NIPBL: variants seen among roughly 807,000 people sequenced by gnomAD.
NIPBL encodes the protein NIPBL cohesin loading factor.
NIPBL carries 19 observed loss-of-function variants against 321.8 expected under a neutral mutation model. The ratio of observed to expected loss-of-function variants is 0.06; its 90% CI spans 0.04 to 0.09. NIPBL has a LOEUF of 0.09. Ranked by LOEUF, NIPBL falls within the 10% of genes least tolerant of loss-of-function variation. The probability of loss-of-function intolerance (pLI) is 1.00; values close to 1 mark genes in which losing one functional copy is unlikely to be tolerated. For synonymous variants in NIPBL, 1,106 were observed against 1,114.1 expected, an observed-to-expected ratio of 0.99 and a Z score of 0.14; for missense variants, 2,210 against 3,327.0, an observed-to-expected ratio of 0.66 and a Z score of 8.26.
At chr5:36,937,572 AAGG>A (rs1339997311) in intron 1 of NIPBL, among the ~76,000 whole-genome samples, 1 of 152,116 alleles carries the variant, frequency 6.6e-6, no homozygotes, top group African/African-American at 2.4e-5. Context: ...AAGAGAAGAA[AAGG>A]AGAAGTTGCC....
chr5:37,063,745 T>A (rs112164987), intron 45 of NIPBL, 45 bp from the exon 46 acceptor site: 5 of 1,554,444 alleles, frequency 3.2e-6, no homozygotes, highest in African/African-American at 1.4e-5. Context: ...CAATCTTGCT[T>A]GAAATATTTA....
At chr5:37,038,564 C>G in intron 33 of NIPBL, 38 bp from the exon 34 acceptor site, 1 of 1,597,348 alleles carries the variant, frequency 6.3e-7, no homozygotes, top group South Asian at 1.1e-5. Flanking sequence ...ACTACCTTGT[C>G]ATATTTTAGT....
chr5:37,022,187 T>C lies in NIPBL; in HGVS notation c.5427+38T>C, dbSNP rs776453237. On this transcript the variant is annotated intron_variant, in intron 28 of 46. Coordinates refer to ENST00000282516, the MANE Select transcript of NIPBL (RefSeq NM_133433.4). ...AATGATTCTTTCTTTTCTACTCGAA[T>C]TGGAATATTCACTCTATTTAGGTAT... is the stretch of plus-strand genomic sequence containing the variant. 7 of 1,613,256 alleles carry C rather than the reference T, an allele frequency of 4.3e-6. 1 individual carries two copies. In the South Asian group the frequency reaches 6.6e-5, roughly 15 times the overall value.
chr5:36,877,796 C>A (rs753124208), intron 1 of NIPBL, among the ~76,000 whole-genome samples: 1 of 152,198 alleles, frequency 6.6e-6, no homozygotes, highest in Non-Finnish European at 1.5e-5. Context: ...CATAAAGACT[C>A]ATTTTCTTTT....
At chr5:36,907,718 T>C (rs1419118720) in intron 1 of NIPBL, among the ~76,000 whole-genome samples, 1 of 152,200 alleles carries the variant, frequency 6.6e-6, no homozygotes, top group African/African-American at 2.4e-5. Context: ...AATGTGCATA[T>C]GTTACCTTTA....
chr5:36,920,941 A>G lies in NIPBL; in HGVS notation c.-79-32677A>G, dbSNP rs544969139. On this transcript the variant is annotated intron_variant, in intron 1 of 46. Transcript: ENST00000282516. ...ATTCTCTGCTTTGGCTGCTGTAATTATCTTTTGCTTTTACTATTTTGATCT... is the reference window on the plus strand; with the variant it reads ...ATTCTCTGCTTTGGCTGCTGTAATTGTCTTTTGCTTTTACTATTTTGATCT... Among the ~76,000 whole-genome samples, 227 of 150,766 alleles carry G rather than the reference A, an allele frequency of 1.5e-3. 1 individual carries two copies. The highest frequency in any genetic ancestry group is 5.3e-3 in the African/African-American group (218 of 40,994).
Position 37,011,077 on chromosome 5 carries a change from C to T in NIPBL, c.4560+852C>T, listed in dbSNP as rs1748061902. Among the ~76,000 whole-genome samples, 4 of 152,116 alleles carry T rather than the reference C, an allele frequency of 2.6e-5. No homozygotes were observed. The South Asian group carries it at 8.3e-4, about 32-fold the overall frequency. On this transcript the variant is annotated intron_variant, in intron 21 of 46. Coordinates refer to ENST00000282516, the MANE Select transcript of NIPBL (RefSeq NM_133433.4). The stretch of plus-strand genomic sequence containing the variant: ...TGTGGAAAATGAGTTTATTCCCTCC[C>T]TAATAGGTAGCTCATGCCGACGATT...
chr5:37,024,812 A>G lies in NIPBL; in HGVS notation c.5709+93A>G. 3.1e-6 allele frequency: 3 copies of G among 954,902 alleles called. No individual in the cohort carries two copies. The South Asian group carries it at 4.8e-5, about 15-fold the overall frequency. 59.2% of individuals were successfully genotyped at this position (954,902 alleles called of 1,614,324 possible). ...AAATGTTGATTTTAAATATATCCAA[A>G]CACTTTACAATGAATCGTTTATAGT... On this transcript the variant is annotated intron_variant, in intron 30 of 46. Transcript: ENST00000282516.
chr5:37,020,890 A>AG lies in NIPBL; in HGVS notation c.5328+14dup. On this transcript the variant is annotated intron_variant, in intron 27 of 46. Coordinates refer to ENST00000282516, the MANE Select transcript of NIPBL (RefSeq NM_133433.4). ...TTATTTGACACAGGTAAACTGGATA[A>AG]GAATTCCTTATACAGTGATATTGAT... The AG allele has an allele frequency of 6.5e-6, 10 of 1,544,222 alleles. No homozygotes were observed. Among genetic ancestry groups the AG allele is most frequent in the Non-Finnish European group, 9.0e-6 (10 of 1,116,318 alleles).
At chr5:36,975,338 T>C (rs2149627213) in intron 8 of NIPBL, among the ~76,000 whole-genome samples, 1 of 152,294 alleles carries the variant, frequency 6.6e-6, no homozygotes, top group East Asian at 1.9e-4. Context: ...TATTTTTGTG[T>C]AATTTAACAA....
At chr5:37,006,210 T>C (rs996735286) in intron 16 of NIPBL, 147 bp from the exon 17 acceptor site, 6 of 647,874 alleles carry the variant, frequency 9.3e-6, no homozygotes, top group African/African-American at 9.0e-5. Context: ...GTAGTATCAG[T>C]ATTTGTACCT....
chr5:36,970,483 A>G (rs991295074), intron 6 of NIPBL, among the ~76,000 whole-genome samples: 3 of 150,772 alleles, frequency 2.0e-5, no homozygotes, highest in Admixed American at 6.6e-5. Flanking sequence ...GGATAGATAC[A>G]TATATCATCT....
chr5:37,057,608 G>C (rs1413294740), intron 43 of NIPBL, among the ~76,000 whole-genome samples: 1 of 152,120 alleles, frequency 6.6e-6, no homozygotes, highest in Non-Finnish European at 1.5e-5. Flanking sequence ...TTAAGTGTTT[G>C]CATCCATTCA....
intron 1 of NIPBL, among the ~76,000 whole-genome samples, chr5:36,948,900 A>T (rs537158080): frequency 1.3e-5 from 2 of 151,950 alleles, no homozygotes; most frequent in South Asian, 4.1e-4. Flanking sequence ...TAGTATACTG[A>T]CTAACAGTCT....
chr5:37,017,998 C>T (rs1300641948), intron 24 of NIPBL, among the ~76,000 whole-genome samples: 1 of 151,692 alleles, frequency 6.6e-6, no homozygotes, highest in Non-Finnish European at 1.5e-5. Flanking sequence ...GACATGATTC[C>T]CTCATTACCC....
intron 1 of NIPBL, among the ~76,000 whole-genome samples, chr5:36,949,274 G>C (rs1227916313): frequency 6.6e-6 from 1 of 151,806 alleles, no homozygotes; most frequent in Non-Finnish European, 1.5e-5. Flanking sequence ...TATATATTTT[G>C]AGTACATTGA....
At chr5:37,048,714 T>G (rs773093020) in intron 39 of NIPBL, 39 bp downstream of exon 39, 1 of 1,402,724 alleles carries the variant, frequency 7.1e-7, no homozygotes, top group Admixed American at 1.7e-5. Flanking sequence ...TAGCTACATT[T>G]ATATTATAAT....
intron 34 of NIPBL, among the ~76,000 whole-genome samples, chr5:37,041,870 ATTTTTTT>A (rs70976272): frequency 3.4e-5 from 5 of 145,520 alleles, no homozygotes; most frequent in African/African-American, 1.3e-4. Flanking sequence ...CAGCCACTAC[ATTTTTTT>A]TTTTTTTAAG....
chr5:36,904,592 T>C lies in NIPBL; in HGVS notation c.-80+27414T>C, dbSNP rs549004172. On this transcript the variant is annotated intron_variant, in intron 1 of 46. Transcript: ENST00000282516. ...GCCAGGAATATGGCTACAGCTTAGTTGAATGCCCTTTTACTCATGGTATCT... is the reference window on the plus strand; with the variant it reads ...GCCAGGAATATGGCTACAGCTTAGTCGAATGCCCTTTTACTCATGGTATCT... Among the ~76,000 whole-genome samples, 27 of 152,302 alleles carry C rather than the reference T, an allele frequency of 1.8e-4. No individual in the cohort carries two copies. The East Asian group carries it at 5.2e-3, about 29-fold the overall frequency.
Sources: allele counts gnomAD v4.1 joint callset (sites outside exome capture counted in the v4.1 genomes callset), GRCh38; gene constraint gnomAD v4.1.1; transcripts MANE v1.5; gene names NCBI Gene and HGNC (gene_info 2026-07-23, HGNC 2026-07-21).